Variants in MMRN1 observed in about 807,000 individuals in gnomAD.
The protein encoded by MMRN1 is multimerin 1.
In MMRN1, 94 loss-of-function variants were observed where a neutral mutation model predicts 100.7. The observed-to-expected ratio is 0.93, with a 90% CI of 0.79 to 1.11. The LOEUF is 1.11. Ranked by LOEUF, MMRN1 falls within the 50% of genes least tolerant of loss-of-function variation. The pLI is 0.00. For missense variants in MMRN1, 1,606 were observed against 1,439.1 expected (o/e 1.12, Z -1.88); for synonymous variants, 575 against 505.0 (o/e 1.14, Z -1.86).
rs1315576759 is a variant in MMRN1 at position 89,934,011 on chromosome 4, A to T, written c.1130-799A>T. 3.3e-5 allele frequency among the ~76,000 whole-genome samples: 5 copies of T among 151,994 alleles called. No homozygotes were observed. In the South Asian group the frequency reaches 8.3e-4, roughly 25 times the overall value. On this transcript the variant is annotated intron_variant, in intron 5 of 7. Coordinates refer to ENST00000264790, the MANE Select transcript of MMRN1 (RefSeq NM_007351.3). The stretch of plus-strand genomic sequence containing the variant: ...TTAATAGTTGTGAATAGTCCAGTAC[A>T]CTTTTCCTGTTCCTTTTTTTCATGC...
intron 6 of MMRN1, among the ~76,000 whole-genome samples, chr4:89,950,819 G>A (rs1198090789): frequency 6.6e-6 from 1 of 151,976 alleles, no homozygotes; most frequent in Non-Finnish European, 1.5e-5. Context: ...TTGGCCTCCT[G>A]AAGTGGTGGG....
intron 3 of MMRN1, among the ~76,000 whole-genome samples, chr4:89,919,298 T>C (rs921149278): frequency 4.0e-5 from 6 of 151,754 alleles, no homozygotes; most frequent in African/African-American, 1.2e-4. Context: ...TTGATTTCAT[T>C]GAACATTTTT....
intron 1 of MMRN1, among the ~76,000 whole-genome samples, chr4:89,897,764 G>A (rs1721254801): frequency 6.6e-6 from 1 of 152,040 alleles, no homozygotes. Flanking sequence ...ACTGTGCTAG[G>A]CTTTGGGTTA....
chr4:89,911,903 A>G, intron 2 of MMRN1, 41 bp from the exon 3 acceptor site: 1 of 1,346,930 alleles, frequency 7.4e-7, no homozygotes. Flanking sequence ...ATTTAATGTG[A>G]AACAAATAAT....
At chr4:89,901,551 T>C (rs1419804951) in intron 1 of MMRN1, among the ~76,000 whole-genome samples, 1 of 152,088 alleles carries the variant, frequency 6.6e-6, no homozygotes, top group Non-Finnish European at 1.5e-5. Flanking sequence ...TGTGTTGTTT[T>C]CAAAGTTATT....
chr4:89,923,486 T>G (rs1722154134), intron 4 of MMRN1, among the ~76,000 whole-genome samples: 2 of 152,230 alleles, frequency 1.3e-5, no homozygotes, highest in Admixed American at 6.5e-5. Context: ...AGAAGCTTTG[T>G]GTGCAAACAC....
At chr4:89,901,619 G>T (rs1308503611) in intron 1 of MMRN1, among the ~76,000 whole-genome samples, 1 of 151,826 alleles carries the variant, frequency 6.6e-6, no homozygotes, top group Admixed American at 6.6e-5. Context: ...ATTCTAAAGA[G>T]AAACCATTAT....
intron 5 of MMRN1, among the ~76,000 whole-genome samples, chr4:89,930,084 A>G (rs928353499): frequency 6.6e-6 from 1 of 152,138 alleles, no homozygotes; most frequent in Admixed American, 6.5e-5. Context: ...GTGGAAGCAT[A>G]TGAGTCACAG....
At chr4:89,913,100 A>AT (rs1346286196) in intron 3 of MMRN1, among the ~76,000 whole-genome samples, 2 of 151,292 alleles carry the variant, frequency 1.3e-5, no homozygotes, top group Non-Finnish European at 3.0e-5. Flanking sequence ...AATTTAGCAT[A>AT]TTTTAAAAAG....
rs894041714 is a variant in MMRN1 at position 89,954,019 on chromosome 4, G to A, written c.*601G>A. On this transcript the variant is annotated 3_prime_UTR_variant, in exon 8 of 8. Coordinates refer to ENST00000264790, the MANE Select transcript of MMRN1 (RefSeq NM_007351.3). ...CCTATAATTCTCTAATTATAACATAGTAATTTACATGTAGTTGGACATGTA... is the reference window on the plus strand; with the variant it reads ...CCTATAATTCTCTAATTATAACATAATAATTTACATGTAGTTGGACATGTA... 6.6e-6 allele frequency: 1 copy of A among 152,044 alleles called. No individual in the cohort carries two copies. Among genetic ancestry groups the A allele is most frequent in the Non-Finnish European group, 1.5e-5 (1 of 68,046 alleles). The allele number at this position is 152,044 out of a possible 1,614,324, so 9.4% of individuals were successfully genotyped here. A position where few individuals can be genotyped will look rare whatever the true frequency, so the allele number is the denominator to read the frequency against.
At chr4:89,952,939 G>A in intron 7 of MMRN1, 58 bp from the exon 8 acceptor site, 1 of 1,394,424 alleles carries the variant, frequency 7.2e-7, no homozygotes, top group South Asian at 1.4e-5. Context: ...AAGATATAAG[G>A]AAAGAAAAAT....
rs763658947 is a variant in MMRN1 at position 89,936,094 on chromosome 4, C to A, written c.2414C>A (p.Thr805Asn). 6.2e-7 allele frequency: 1 copy of A among 1,612,350 alleles called. No individual in the cohort carries two copies. Among genetic ancestry groups the A allele is most frequent in the South Asian group, 1.1e-5 (1 of 90,766 alleles). Residue 805 changes from threonine to asparagine, a missense_variant, in exon 6 of 8, where the codon ACC becomes AAC. Physicochemically the swap from Thr to Asn is moderately conservative, Grantham distance 65. Coordinates refer to ENST00000264790, the MANE Select transcript of MMRN1 (RefSeq NM_007351.3). ...RYNFVLQVAK[T>N]LAGIPRDEKL... ...AACTTTGTTTTGCAAGTCGCCAAGA[C>A]CCTTGCAGGTATTCCCAGAGATGAG...
intron 6 of MMRN1, among the ~76,000 whole-genome samples, chr4:89,948,751 C>G (rs2110655546): frequency 6.6e-6 from 1 of 152,096 alleles, no homozygotes; most frequent in Non-Finnish European, 1.5e-5. Flanking sequence ...CTTGGAAAGT[C>G]CAGACATACC....
rs1420536204 is a variant in MMRN1 at position 89,953,904 on chromosome 4, G to C, written c.*486G>C. The C allele has an allele frequency of 1.3e-5, 2 of 152,024 alleles. No homozygotes were observed. Among genetic ancestry groups the C allele is most frequent in the African/African-American group, 4.8e-5 (2 of 41,386 alleles). 9.4% of individuals were successfully genotyped at this position (152,024 alleles called of 1,614,324 possible). A position where few individuals can be genotyped will look rare whatever the true frequency, so the allele number is the denominator to read the frequency against. ...TTATTTTTACTCTTTACGTTGAGTT[G>C]ATCAATTTTCCATACTAAGATTTTC... On this transcript the variant is annotated 3_prime_UTR_variant, in exon 8 of 8. Transcript: ENST00000264790.
upstream of MMRN1, among the ~76,000 whole-genome samples, chr4:89,891,848 G>A (rs1387510970): frequency 6.6e-6 from 1 of 151,934 alleles, no homozygotes; most frequent in Non-Finnish European, 1.5e-5. Flanking sequence ...GAAGAAAACA[G>A]CTGCTGAAAA....
chr4:89,936,074 T>C lies in MMRN1; in HGVS notation c.2394T>C (p.Phe798=), dbSNP rs74998822. The C allele has an allele frequency of 4.7e-5, 75 of 1,611,896 alleles. No homozygotes were observed. In the African/African-American group the frequency reaches 9.3e-4, roughly 20 times the overall value. ...TLVNDNQRYN[F]VLQVAKTLAG... Reference sequence around the variant, plus strand: ...TCAATGACAATCAGAGATATAACTTTGTTTTGCAAGTCGCCAAGACCCTTG... The same window carrying C: ...TCAATGACAATCAGAGATATAACTTCGTTTTGCAAGTCGCCAAGACCCTTG... Residue 798 remains phenylalanine, a synonymous_variant, in exon 6 of 8, where the codon TTT becomes TTC. Transcript: ENST00000264790.
intron 6 of MMRN1, among the ~76,000 whole-genome samples, chr4:89,945,973 T>C (rs1241861431): frequency 6.6e-6 from 1 of 152,172 alleles, no homozygotes; most frequent in African/African-American, 2.4e-5. Flanking sequence ...GAACACAATG[T>C]TAGTAATTAG....
In MMRN1 at chr4:89,927,930, G is replaced by A. The variant is rs1404444173; in HGVS notation, c.1091G>A (p.Ser364Asn). 6.2e-7 allele frequency: 1 copy of A among 1,604,028 alleles called. No individual in the cohort carries two copies. Reference protein sequence around the residue: ...NTYSSLEGKVSEDKSREFQSL... With the variant: ...NTYSSLEGKVNEDKSREFQSL... ...TACTCCTCCCTAGAAGGAAAAGTCA[G>A]CGAAGATAAAAGCAGAGAATTTCAA... The change falls in exon 5 of 8, where the codon AGC (serine) becomes AAC (asparagine). Residue 364 changes from serine (S) to asparagine (N), a missense_variant. Physicochemically the swap from Ser to Asn is conservative, Grantham distance 46. Coordinates refer to ENST00000264790, the MANE Select transcript of MMRN1 (RefSeq NM_007351.3).
At chr4:89,891,901 T>A (rs1450758914), upstream of MMRN1, among the ~76,000 whole-genome samples, 4 of 151,952 alleles carry the variant, frequency 2.6e-5, no homozygotes, top group Non-Finnish European at 4.4e-5. Flanking sequence ...CCCCAACATT[T>A]TACAAAGAAT....
Sources: allele counts gnomAD v4.1 joint callset (sites outside exome capture counted in the v4.1 genomes callset), GRCh38; gene constraint gnomAD v4.1.1; transcripts MANE v1.5; gene names NCBI Gene and HGNC (gene_info 2026-07-23, HGNC 2026-07-21).